Variants in PCDHA5 observed in about 807,000 individuals in gnomAD.
The protein encoded by PCDHA5 is protocadherin alpha-5.
In PCDHA5, 43 loss-of-function variants were observed where a neutral mutation model predicts 61.6. The observed-to-expected ratio is 0.70, with a 90% CI of 0.55 to 0.90. The LOEUF (loss-of-function observed/expected upper bound fraction) is 0.90, where lower values mean the gene tolerates loss of function less well. Among genes scored for constraint, PCDHA5 ranks in the 40% least tolerant of loss-of-function variants. The pLI, the probability that PCDHA5 is intolerant of heterozygous loss-of-function variation, is 0.00. For synonymous variants in PCDHA5, 627 were observed against 543.9 expected, an observed-to-expected ratio of 1.15 and a Z score of -2.13; for missense variants, 1,298 against 1,222.7, an observed-to-expected ratio of 1.06 and a Z score of -0.92.
At chr5:140,894,469 C>T (rs183471525) in intron 1 of PCDHA5, among the ~76,000 whole-genome samples, 8 of 151,852 alleles carry the variant, frequency 5.3e-5, no homozygotes, top group Admixed American at 5.2e-4. Context: ...ACTTTTTATT[C>T]TTGTTTTCAT....
At position 140,849,642 on chromosome 5, in the gene PCDHA5, G is replaced by A. The variant is rs2150443693; in HGVS notation, c.2352+25515G>A. 5 of 1,598,584 alleles carry A rather than the reference G, an allele frequency of 3.1e-6. No individual in the cohort carries two copies. The African/African-American group carries it at 4.0e-5, about 13-fold the overall frequency. Reference sequence around the variant, plus strand: ...GATCGACCTAGACGCAGATGCCAACGGGCAGGTTACCTGCTCCCTGACGCC... The same window carrying A: ...GATCGACCTAGACGCAGATGCCAACAGGCAGGTTACCTGCTCCCTGACGCC... On this transcript the variant is annotated intron_variant, in intron 1 of 3. Coordinates refer to ENST00000529859, the MANE Select transcript of PCDHA5 (RefSeq NM_018908.3).
At chr5:140,830,213 T>C in intron 1 of PCDHA5, 1 of 1,613,804 alleles carries the variant, frequency 6.2e-7, no homozygotes, top group Non-Finnish European at 8.5e-7. Flanking sequence ...CTGCGCGGTA[T>C]CCAGCCTGCT....
chr5:140,914,130 A>G (rs552189632), intron 1 of PCDHA5, among the ~76,000 whole-genome samples: 2 of 152,146 alleles, frequency 1.3e-5, no homozygotes, highest in African/African-American at 4.8e-5. Flanking sequence ...TTCTTTGTTG[A>G]GTTTTTGTCT....
Position 140,939,111 on chromosome 5 carries a change from T to G in PCDHA5, c.2353-39838T>G, listed in dbSNP as rs141486595. Reference sequence around the variant, plus strand: ...CTTAAAAACAATAGAAATTTATTTTTCACAATTCTGGAAGCTGGAAAGTTG... The same window carrying G: ...CTTAAAAACAATAGAAATTTATTTTGCACAATTCTGGAAGCTGGAAAGTTG... On this transcript the variant is annotated intron_variant, in intron 1 of 3. Coordinates refer to ENST00000529859, the MANE Select transcript of PCDHA5 (RefSeq NM_018908.3). Among the ~76,000 whole-genome samples, 62 of 152,324 alleles carry G rather than the reference T, an allele frequency of 4.1e-4. No homozygotes were observed. The East Asian group carries it at 0.01, about 25-fold the overall frequency.
rs2150125798 is a variant in PCDHA5 at position 140,823,434 on chromosome 5, C to A, written c.1659C>A (p.Phe553Leu). ...PLGSNVTLQV[F>L]VLDENDNAPA... is the part of the protein sequence containing the mutation. ...GCAGCAACGTGACGCTGCAGGTGTT[C>A]GTGCTGGACGAGAACGACAACGCGC... The change falls in exon 1 of 4, where the codon TTC (phenylalanine) becomes TTA (leucine). Residue 553 changes from phenylalanine (F) to leucine (L), a missense_variant. Physicochemically the swap from Phe to Leu is conservative, Grantham distance 22. Transcript: ENST00000529859. 11 of 1,613,238 alleles carry A rather than the reference C, an allele frequency of 6.8e-6. No individual in the cohort carries two copies. The highest frequency in any genetic ancestry group is 9.3e-6 in the Non-Finnish European group (11 of 1,179,742).
chr5:140,981,687 ATCAT>A (rs200213847), intron 2 of PCDHA5, among the ~76,000 whole-genome samples: 197 of 152,078 alleles, frequency 1.3e-3, no homozygotes, highest in African/African-American at 4.2e-3. Context: ...CCTCCCTTCC[ATCAT>A]TCATTCATTC....
At chr5:140,830,144 GGCGC>G (rs1770849922) in intron 1 of PCDHA5, 1 of 1,613,236 alleles carries the variant, frequency 6.2e-7, no homozygotes, top group East Asian at 2.2e-5. Context: ...GGCGTCGGTG[GGCGC>G]CGCGGGCCCA....
intron 1 of PCDHA5, chr5:140,856,153 C>T: frequency 1.3e-6 from 2 of 1,598,310 alleles, no homozygotes; most frequent in Non-Finnish European, 1.7e-6. Flanking sequence ...ACTCAGTCTA[C>T]GAGGAGGCCA....
At chr5:140,870,496 G>A in intron 1 of PCDHA5, 1 of 1,614,234 alleles carries the variant, frequency 6.2e-7, no homozygotes, top group Non-Finnish European at 8.5e-7. Flanking sequence ...GTTCGTGAAG[G>A]AGAACAACCC....
chr5:140,941,190 TTTTTCTTTCTTC>T (rs1475511565), intron 1 of PCDHA5, among the ~76,000 whole-genome samples: 3 of 129,438 alleles, frequency 2.3e-5, no homozygotes, highest in South Asian at 2.5e-4. Context: ...TGCTTCTTTT[TTTTTCTTTCTTC>T]CTTTCTTTCT....
intron 1 of PCDHA5, among the ~76,000 whole-genome samples, chr5:140,947,190 C>T (rs1292127049): frequency 6.6e-6 from 1 of 151,120 alleles, no homozygotes; most frequent in Non-Finnish European, 1.5e-5. Flanking sequence ...TGGTATACTA[C>T]ACAGCCTTAA....
At chr5:140,896,398 A>T (rs1322743669) in intron 1 of PCDHA5, among the ~76,000 whole-genome samples, 3 of 151,946 alleles carry the variant, frequency 2.0e-5, no homozygotes, top group African/African-American at 7.3e-5. Context: ...AGCATCTGTT[A>T]TTTTTGACTT....
At chr5:140,959,568 T>A (rs1333268160) in intron 1 of PCDHA5, among the ~76,000 whole-genome samples, 1 of 152,208 alleles carries the variant, frequency 6.6e-6, no homozygotes, top group African/African-American at 2.4e-5. Flanking sequence ...GTACTAGATT[T>A]TTTGTTTCAA....
chr5:140,875,134 T>G (rs2055288976), intron 1 of PCDHA5, among the ~76,000 whole-genome samples: 1 of 152,238 alleles, frequency 6.6e-6, no homozygotes, highest in Admixed American at 6.5e-5. Flanking sequence ...TAAACCCGCA[T>G]TTATAAATGA....
intron 3 of PCDHA5, among the ~76,000 whole-genome samples, chr5:141,005,035 GT>G (rs1272983494): frequency 6.6e-6 from 1 of 152,194 alleles, no homozygotes; most frequent in African/African-American, 2.4e-5. Context: ...TTGCCCATAT[GT>G]GATACCATTT....
At chr5:140,836,301 A>G (rs2150257154) in intron 1 of PCDHA5, 2 of 1,613,612 alleles carry the variant, frequency 1.2e-6, no homozygotes, top group South Asian at 1.1e-5. Context: ...CCTAGATGAG[A>G]CGGACGCACC....
chr5:140,858,297 A>G, intron 1 of PCDHA5: 2 of 1,597,406 alleles, frequency 1.3e-6, no homozygotes, highest in Non-Finnish European at 1.7e-6. Flanking sequence ...TCTTACTCGC[A>G]GCAGAGGCGG....
rs2150122501 is a variant in PCDHA5, at chr5:140,823,118, A to C, written c.1343A>C (p.Asn448Thr). 6.2e-7 allele frequency: 1 copy of C among 1,614,030 alleles called. No individual in the cohort carries two copies. Residue 448 changes from asparagine (N) to threonine (T), a missense_variant, in exon 1 of 4, where the codon AAC becomes ACC. Coordinates refer to ENST00000529859, the MANE Select transcript of PCDHA5 (RefSeq NM_018908.3). ...ASVSVEVADV[N>T]DNAPAFAQPQ... Reference sequence around the variant, plus strand: ...GTGTCTGTGGAAGTGGCCGACGTGAACGACAACGCTCCGGCGTTCGCGCAG... The same window carrying C: ...GTGTCTGTGGAAGTGGCCGACGTGACCGACAACGCTCCGGCGTTCGCGCAG...
intron 1 of PCDHA5, chr5:140,835,174 C>T (rs1773498411): frequency 1.3e-6 from 2 of 1,503,684 alleles, no homozygotes; most frequent in Non-Finnish European, 1.8e-6. Context: ...GTGATTCACC[C>T]CAATGCCTCA....
Sources: gnomAD v4.1 joint callset for allele counts (sites outside exome capture counted in the v4.1 genomes callset) on GRCh38, gnomAD v4.1.1 for gene constraint, MANE v1.5 for transcripts, NCBI Gene and HGNC (gene_info 2026-07-23, HGNC 2026-07-21) for gene names.